NRXN3: variants seen among roughly 807,000 people sequenced by gnomAD.
The protein encoded by NRXN3 is neurexin 3, also known as neurexin III.
Under a neutral mutation model 137.6 loss-of-function variants are expected in NRXN3, and 32 were observed. That is an observed-to-expected ratio of 0.23 (90% CI 0.18 to 0.31). NRXN3 has a LOEUF of 0.31. NRXN3 is among the 10% of genes least tolerant of loss of function. The pLI is 1.00. For synonymous variants in NRXN3, 798 were observed against 784.5 expected (o/e 1.02, Z -0.29); for missense variants, 1,574 against 2,062.5 (o/e 0.76, Z 4.59).
chr14:79,691,439 A>G (rs958714667), intron 17 of NRXN3, among the ~76,000 whole-genome samples: 59 of 152,174 alleles, frequency 3.9e-4, no homozygotes, highest in African/African-American at 1.4e-3. Flanking sequence ...GGTGCTCAAA[A>G]GTCTACAAAT....
intron 15 of NRXN3, among the ~76,000 whole-genome samples, chr14:79,313,592 T>A (rs2087572066): frequency 1.1e-4 from 1 of 9,118 alleles, no homozygotes; most frequent in African/African-American, 5.4e-4. Context: ...GTAGATTTGG[T>A]CTTTTCACAT....
intron 10 of NRXN3, among the ~76,000 whole-genome samples, chr14:78,927,150 C>CTCTTG (rs546385554): frequency 3.0e-4 from 34 of 111,694 alleles, no homozygotes; most frequent in East Asian, 2.8e-3. Flanking sequence ...GTGAGACCCT[C>CTCTTG]AAAAAAAAAA....
At chr14:78,315,292 T>C (rs1024127930) in intron 4 of NRXN3, among the ~76,000 whole-genome samples, 1 of 152,034 alleles carries the variant, frequency 6.6e-6, no homozygotes, top group Non-Finnish European at 1.5e-5. Context: ...TGCACCCAGC[T>C]TGTATGTGTA....
intron 19 of NRXN3, among the ~76,000 whole-genome samples, chr14:79,774,944 G>T (rs1350080881): frequency 6.6e-6 from 1 of 151,642 alleles, no homozygotes; most frequent in East Asian, 1.9e-4. Context: ...TATATAGTAT[G>T]TGTGTGTGTG....
At chr14:79,175,659 G>A (rs1008136163) in intron 15 of NRXN3, among the ~76,000 whole-genome samples, 3 of 152,120 alleles carry the variant, frequency 2.0e-5, no homozygotes, top group South Asian at 2.1e-4. Flanking sequence ...CGAATTACAC[G>A]TTCACTGTTT....
intron 15 of NRXN3, among the ~76,000 whole-genome samples, chr14:79,336,316 C>G (rs982572065): frequency 1.3e-5 from 2 of 152,126 alleles, no homozygotes; most frequent in Admixed American, 6.6e-5. Context: ...AAAAAATCAC[C>G]TTTTGACAAT....
chr14:79,396,251 A>G (rs1190711336), intron 15 of NRXN3, among the ~76,000 whole-genome samples: 3 of 152,072 alleles, frequency 2.0e-5, no homozygotes, highest in Non-Finnish European at 2.9e-5. Flanking sequence ...TTATAGGTCC[A>G]TATATGTATT....
chr14:79,075,255 C>T (rs1015520072), intron 15 of NRXN3, among the ~76,000 whole-genome samples: 6 of 152,180 alleles, frequency 3.9e-5, no homozygotes, highest in Admixed American at 1.3e-4. Context: ...TGAAGAGGAA[C>T]TATGAAAGTG....
At chr14:78,543,943 T>C (rs988080690) in intron 4 of NRXN3, among the ~76,000 whole-genome samples, 1 of 152,138 alleles carries the variant, frequency 6.6e-6, no homozygotes, top group Non-Finnish European at 1.5e-5. Flanking sequence ...AGGGACTCTC[T>C]TGGGAGGTGC....
rs1324093594 is a variant in NRXN3, at chr14:78,621,060, G to T, written c.758-24060G>T. ...TGGTATGAGCTGTTGGGGTAAGAAA[G>T]AATATGGGCTGGGGTGAAGATTGAA... On this transcript the variant is annotated intron_variant, in intron 4 of 20. Coordinates refer to ENST00000335750, the MANE Select transcript of NRXN3 (RefSeq NM_001330195.2). 1.2e-4 allele frequency among the ~76,000 whole-genome samples: 19 copies of T among 152,202 alleles called. 1 individual carries two copies.
chr14:78,761,417 C>T (rs1427082261), intron 8 of NRXN3, among the ~76,000 whole-genome samples: 1 of 152,104 alleles, frequency 6.6e-6, no homozygotes, highest in Non-Finnish European at 1.5e-5. Flanking sequence ...AATAAGATGG[C>T]TTTGTGAATG....
chr14:79,750,942 T>C (rs560450101), intron 19 of NRXN3, among the ~76,000 whole-genome samples: 16 of 152,290 alleles, frequency 1.1e-4, no homozygotes, highest in Non-Finnish European at 7.4e-5. Flanking sequence ...ATGGGGATGA[T>C]GGTATGCTCT....
At chr14:79,055,156 A>G (rs2099655667) in intron 15 of NRXN3, among the ~76,000 whole-genome samples, 1 of 152,124 alleles carries the variant, frequency 6.6e-6, no homozygotes, top group South Asian at 2.1e-4. Context: ...TTTCCATTCC[A>G]CCAAATCGGA....
At chr14:78,885,916 G>A (rs1426164430) in intron 10 of NRXN3, among the ~76,000 whole-genome samples, 2 of 152,124 alleles carry the variant, frequency 1.3e-5, no homozygotes, top group East Asian at 3.9e-4. Flanking sequence ...GCAGAGGAAG[G>A]GATGTGAGGG....
intron 10 of NRXN3, among the ~76,000 whole-genome samples, chr14:78,857,354 C>G (rs2099060362): frequency 6.6e-6 from 1 of 152,106 alleles, no homozygotes; most frequent in Non-Finnish European, 1.5e-5. Context: ...GGAAGTTATT[C>G]TGGCAGTCTT....
At chr14:79,581,970 C>T (rs572164574) in intron 16 of NRXN3, among the ~76,000 whole-genome samples, 1 of 152,262 alleles carries the variant, frequency 6.6e-6, no homozygotes, top group African/African-American at 2.4e-5. Flanking sequence ...CTCTGTTACT[C>T]AGGCTACAAT....
chr14:79,623,849 G>GTGT (rs2098251171), intron 16 of NRXN3, among the ~76,000 whole-genome samples: 1 of 98,026 alleles, frequency 1.0e-5, no homozygotes, highest in African/African-American at 3.9e-5. Context: ...CTTAGCTCCT[G>GTGT]TTTTTTTTTT....
intron 4 of NRXN3, among the ~76,000 whole-genome samples, chr14:78,430,596 A>G (rs759763061): frequency 6.6e-6 from 1 of 152,194 alleles, no homozygotes; most frequent in African/African-American, 2.4e-5. Flanking sequence ...GCCAAAAACA[A>G]TGGGACCATC....
chr14:79,381,239 C>G (rs1176159262), intron 15 of NRXN3, among the ~76,000 whole-genome samples: 3 of 150,640 alleles, frequency 2.0e-5, no homozygotes, highest in Admixed American at 1.3e-4. Flanking sequence ...AATAGAATCC[C>G]TTCAGAATTC....
Sources: gnomAD v4.1 joint callset for allele counts (sites outside exome capture counted in the v4.1 genomes callset) on GRCh38, gnomAD v4.1.1 for gene constraint, MANE v1.5 for transcripts, NCBI Gene and HGNC (gene_info 2026-07-23, HGNC 2026-07-21) for gene names.